CTNNA3: variants seen among roughly 807,000 people sequenced by gnomAD.
CTNNA3 encodes the protein catenin alpha 3.
CTNNA3 carries 76 observed loss-of-function variants against 95.7 expected under a neutral mutation model. The ratio of observed to expected loss-of-function variants is 0.79; its 90% confidence interval spans 0.66 to 0.96. The LOEUF (loss-of-function observed/expected upper bound fraction) is 0.96. Ranked by LOEUF, CTNNA3 falls within the 40% of genes least tolerant of loss-of-function variation. CTNNA3 has a pLI of 0.00. For missense variants in CTNNA3, 1,191 were observed against 1,089.8 expected (o/e 1.09, Z -1.31); for synonymous variants, 431 against 374.4 (o/e 1.15, Z -1.74).
In CTNNA3 at chr10:66,071,547, T is replaced by C. The variant is rs1395724435; in HGVS notation, c.1978-2058A>G. On this transcript the variant is annotated intron_variant, in intron 14 of 17. Transcript: ENST00000433211. Reference sequence around the variant, plus strand: ...ATCAGAAAATATAGCTCTAGAGTTTTTGTTCTATCACTAAGCCAACAAACA... The same window carrying C: ...ATCAGAAAATATAGCTCTAGAGTTTCTGTTCTATCACTAAGCCAACAAACA... Among the ~76,000 whole-genome samples the C allele has an allele frequency of 3.3e-5, 5 of 152,264 alleles. No individual in the cohort carries two copies. In the East Asian group the frequency reaches 7.7e-4, roughly 23 times the overall value.
At chr10:66,486,673 A>G (rs1474844614) in intron 11 of CTNNA3, among the ~76,000 whole-genome samples, 1 of 152,190 alleles carries the variant, frequency 6.6e-6, no homozygotes, top group Non-Finnish European at 1.5e-5. Flanking sequence ...ATATGATCCC[A>G]CAATCCCACT....
intron 9 of CTNNA3, among the ~76,000 whole-genome samples, chr10:66,752,304 A>C (rs1589215647): frequency 1.3e-5 from 2 of 152,292 alleles, no homozygotes; most frequent in African/African-American, 4.8e-5. Flanking sequence ...AGGCCAATAG[A>C]TATTTCACAA....
intron 12 of CTNNA3, among the ~76,000 whole-genome samples, chr10:66,305,643 T>C (rs999925512): frequency 2.0e-5 from 3 of 152,212 alleles, no homozygotes; most frequent in Non-Finnish European, 2.9e-5. Flanking sequence ...GTAGACAGTT[T>C]AGGTGTTGCC....
chr10:66,808,639 A>G (rs1484251470), intron 7 of CTNNA3, among the ~76,000 whole-genome samples: 1 of 152,160 alleles, frequency 6.6e-6, no homozygotes, highest in Admixed American at 6.5e-5. Context: ...AAATTGTGTG[A>G]TGATATCTCG....
At chr10:66,183,589 G>A (rs2086165877) in intron 13 of CTNNA3, among the ~76,000 whole-genome samples, 2 of 152,260 alleles carry the variant, frequency 1.3e-5, no homozygotes, top group Non-Finnish European at 2.9e-5. Context: ...CATTGGGTTG[G>A]GGTTAACACT....
chr10:66,341,706 T>C (rs756287188), intron 12 of CTNNA3, among the ~76,000 whole-genome samples: 1 of 151,956 alleles, frequency 6.6e-6, no homozygotes, highest in Non-Finnish European at 1.5e-5. Context: ...ATCACTACTT[T>C]TGCCTTTACC....
intron 10 of CTNNA3, among the ~76,000 whole-genome samples, chr10:66,527,062 A>T (rs549084002): frequency 6.6e-6 from 1 of 152,024 alleles, no homozygotes; most frequent in Non-Finnish European, 1.5e-5. Context: ...ATTTTTAGTC[A>T]CTATGTTTAA....
chr10:67,416,316 G>C (rs901401899), intron 5 of CTNNA3, among the ~76,000 whole-genome samples: 1 of 150,942 alleles, frequency 6.6e-6, no homozygotes, highest in African/African-American at 2.4e-5. Context: ...CCATTAAAAA[G>C]TGGACAAATG....
chr10:66,370,183 T>G (rs1481822058), intron 12 of CTNNA3, among the ~76,000 whole-genome samples: 7 of 152,136 alleles, frequency 4.6e-5, no homozygotes, highest in Non-Finnish European at 1.0e-4. Flanking sequence ...GAATTAAGTT[T>G]TACAGATGAG....
At chr10:67,379,892 G>T (rs1382884840) in intron 5 of CTNNA3, among the ~76,000 whole-genome samples, 1 of 150,892 alleles carries the variant, frequency 6.6e-6, no homozygotes, top group Non-Finnish European at 1.5e-5. Context: ...GTAGTGGCGG[G>T]CGCCTGTAGT....
At position 67,113,981 on chromosome 10, in the gene CTNNA3, G is replaced by T. The variant is rs931537268; in HGVS notation, c.1047+66336C>A. On this transcript the variant is annotated intron_variant, in intron 7 of 17. Coordinates refer to ENST00000433211, the MANE Select transcript of CTNNA3 (RefSeq NM_013266.4). Reference sequence around the variant, plus strand: ...ACCTGTAGTCCCAGCTACTCAGGAGGCTGGGGTGAGAGGATCACTGGAGCC... The same window carrying T: ...ACCTGTAGTCCCAGCTACTCAGGAGTCTGGGGTGAGAGGATCACTGGAGCC... 2.0e-5 allele frequency among the ~76,000 whole-genome samples: 3 copies of T among 151,946 alleles called. No individual in the cohort carries two copies. The East Asian group carries it at 5.8e-4, about 29-fold the overall frequency.
intron 7 of CTNNA3, chr10:67,097,571 T>C (rs1858081624): frequency 4.4e-6 from 7 of 1,609,114 alleles, no homozygotes; most frequent in Non-Finnish European, 5.9e-6. Flanking sequence ...ACTTTTCTCA[T>C]GTCATTTTTC....
intron 5 of CTNNA3, among the ~76,000 whole-genome samples, chr10:67,402,927 C>A (rs1197250048): frequency 6.6e-6 from 1 of 152,196 alleles, no homozygotes; most frequent in Non-Finnish European, 1.5e-5. Context: ...ATCCAGGGAG[C>A]TGAACAGCGT....
chr10:66,286,564 G>A (rs2091592669), intron 12 of CTNNA3, among the ~76,000 whole-genome samples: 1 of 152,058 alleles, frequency 6.6e-6, no homozygotes, highest in South Asian at 2.1e-4. Flanking sequence ...TGTAGTGTTA[G>A]CAAAATGCTG....
At chr10:66,049,027 T>C (rs909361017) in intron 15 of CTNNA3, among the ~76,000 whole-genome samples, 4 of 152,124 alleles carry the variant, frequency 2.6e-5, no homozygotes, top group Non-Finnish European at 5.9e-5. Flanking sequence ...CAGAAAACTT[T>C]TGCAAACTAT....
chr10:66,749,406 C>T (rs912198292), intron 9 of CTNNA3, among the ~76,000 whole-genome samples: 2 of 152,034 alleles, frequency 1.3e-5, no homozygotes, highest in Non-Finnish European at 2.9e-5. Context: ...AACCACTAAT[C>T]TTTTACTGTC....
intron 7 of CTNNA3, among the ~76,000 whole-genome samples, chr10:66,885,917 A>G (rs1420231796): frequency 6.6e-6 from 1 of 152,180 alleles, no homozygotes; most frequent in African/African-American, 2.4e-5. Flanking sequence ...GCCCAACTGG[A>G]TAACTGCCCA....
chr10:66,015,534 G>T (rs753964934), intron 15 of CTNNA3, among the ~76,000 whole-genome samples: 1 of 152,168 alleles, frequency 6.6e-6, no homozygotes, highest in Non-Finnish European at 1.5e-5. Context: ...CTGTGACTGA[G>T]ATTGCTGGGT....
At chr10:66,684,365 A>AT (rs1430091215) in intron 9 of CTNNA3, among the ~76,000 whole-genome samples, 29 of 152,182 alleles carry the variant, frequency 1.9e-4, no homozygotes, top group Non-Finnish European at 3.7e-4. Context: ...TCTGAGAAGT[A>AT]TATTATGGGG....
Sources: gnomAD v4.1 joint callset for allele counts (sites outside exome capture counted in the v4.1 genomes callset) on GRCh38, gnomAD v4.1.1 for gene constraint, MANE v1.5 for transcripts, NCBI Gene and HGNC (gene_info 2026-07-23, HGNC 2026-07-21) for gene names.